Variants in PRKD1 observed in about 807,000 individuals in gnomAD.
PRKD1 encodes the protein serine/threonine-protein kinase D1.
A neutral mutation model predicts 95.9 loss-of-function variants in PRKD1; 63 were observed. The observed-to-expected ratio is 0.66, with a 90% CI of 0.54 to 0.81. The LOEUF (loss-of-function observed/expected upper bound fraction) is 0.81. PRKD1 is among the 30% of genes least tolerant of loss of function. The probability of loss-of-function intolerance (pLI) is 0.00; values close to 1 mark genes in which losing one functional copy is unlikely to be tolerated. For missense variants in PRKD1, 1,048 were observed against 1,165.3 expected (o/e 0.90, Z 1.47); for synonymous variants, 425 against 423.1 (o/e 1.00, Z -0.05).
intron 1 of PRKD1, among the ~76,000 whole-genome samples, chr14:29,850,222 A>C (rs920425734): frequency 6.6e-6 from 1 of 152,166 alleles, no homozygotes; most frequent in African/African-American, 2.4e-5. Flanking sequence ...AAGAGAAAGA[A>C]ATAAAAGGCA....
intron 1 of PRKD1, among the ~76,000 whole-genome samples, chr14:29,776,772 C>T (rs183116142): frequency 1.3e-4 from 20 of 152,276 alleles, no homozygotes; most frequent in Non-Finnish European, 2.1e-4. Flanking sequence ...CACCAACATT[C>T]AAATTCAGGA....
intron 1 of PRKD1, among the ~76,000 whole-genome samples, chr14:29,733,108 AT>A (rs35777923): frequency 0.055 from 7,631 of 138,802 alleles, 473 homozygotes; most frequent in African/African-American, 0.16. Context: ...TTATTTATTT[AT>A]TTTTTTTTTT....
chr14:29,681,260 TG>T (rs1883524697), intron 2 of PRKD1, among the ~76,000 whole-genome samples: 2 of 152,218 alleles, frequency 1.3e-5, no homozygotes, highest in South Asian at 4.1e-4. Flanking sequence ...ATTGGTATTC[TG>T]GGACAAATTT....
rs532987654 is a variant in PRKD1 at position 29,736,714 on chromosome 14, C to T, written c.265-11040G>A. On this transcript the variant is annotated intron_variant, in intron 1 of 17. Transcript: ENST00000331968. ...CAACAATCCAGGCACTGGTCCTAAG[C>T]TCTTTAATTCTACCCTATGCTGGAA... 3.9e-5 allele frequency among the ~76,000 whole-genome samples: 6 copies of T among 152,330 alleles called. No homozygotes were observed. In the South Asian group the frequency reaches 1.0e-3, roughly 26 times the overall value.
At chr14:29,758,863 C>G (rs1192194530) in intron 1 of PRKD1, among the ~76,000 whole-genome samples, 1 of 152,182 alleles carries the variant, frequency 6.6e-6, no homozygotes, top group Non-Finnish European at 1.5e-5. Flanking sequence ...TATCACACTT[C>G]AAGAATTCTC....
intron 13 of PRKD1, among the ~76,000 whole-genome samples, chr14:29,613,017 G>C (rs1174754931): frequency 6.6e-6 from 1 of 152,048 alleles, no homozygotes; most frequent in Non-Finnish European, 1.5e-5. Flanking sequence ...AGAATGGCGT[G>C]AACTCGGGAG....
intron 1 of PRKD1, among the ~76,000 whole-genome samples, chr14:29,764,991 G>T (rs1010308451): frequency 2.0e-5 from 3 of 152,140 alleles, no homozygotes. Context: ...TCAGGTACAA[G>T]TGAAATAGAA....
At chr14:29,706,907 G>C (rs572539395) in intron 2 of PRKD1, among the ~76,000 whole-genome samples, 1 of 152,246 alleles carries the variant, frequency 6.6e-6, no homozygotes, top group Non-Finnish European at 1.5e-5. Context: ...AGTCATGAAA[G>C]ATGAATTGAA....
chr14:29,882,858 A>G (rs1255727759), intron 1 of PRKD1, among the ~76,000 whole-genome samples: 1 of 128,690 alleles, frequency 7.8e-6, no homozygotes, highest in Non-Finnish European at 1.7e-5. Context: ...ACAATATTCC[A>G]CTGTGTGTGT....
In PRKD1 at chr14:29,927,416, G is replaced by GCCCGGA. The variant is rs45471692; in HGVS notation, c.91_96dup (p.Ser31_Gly32dup). ...GGAGCCAAGAACGGCGCGGGCCCGG[G>GCCCGGA]CCCGGACCCTGGGACCAGTGCGGCG... On this transcript the variant is annotated inframe_insertion, in exon 1 of 18. Transcript: ENST00000331968. The GCCCGGA allele has an allele frequency of 0.057, 84,284 of 1,478,386 alleles. 2,863 individuals carry two copies. The highest frequency in any genetic ancestry group is 0.13 in the East Asian group (4,294 of 33,856). The allele number at this position is 1,478,386 out of a possible 1,614,324, so 91.6% of individuals were successfully genotyped here. A position where few individuals can be genotyped will look rare whatever the true frequency, so the allele number is the denominator to read the frequency against.
Position 29,577,404 on chromosome 14 carries a change from C to G in PRKD1, c.2573G>C (p.Arg858Pro). The G allele has an allele frequency of 1.2e-6, 2 of 1,613,762 alleles. No homozygotes were observed. Among genetic ancestry groups the G allele is most frequent in the Non-Finnish European group, 1.7e-6 (2 of 1,179,798 alleles). The part of the protein sequence containing the change: ...LRELECKIGE[R>P]YITHESDDLR... ...GTCATCACTTTCATGGGTGATGTAG[C>G]GCTCCCCGATTTTGCATTCCAGCTC... Residue 858 changes from arginine (R) to proline (P), a missense_variant, in exon 18 of 18, where the codon CGC becomes CCC. Around this residue, in one of 3 missense-constraint regions of PRKD1, gnomAD observed 739 missense variants for 861.9 expected, o/e 0.86. Transcript: ENST00000331968.
At chr14:29,653,205 G>A (rs17115147) in intron 4 of PRKD1, among the ~76,000 whole-genome samples, 5,512 of 152,092 alleles carry the variant, frequency 0.036, 287 homozygotes, top group African/African-American at 0.12. Context: ...AATATTGTCC[G>A]GATTGCATAA....
chr14:29,632,005 T>G (rs1056874904), intron 9 of PRKD1, among the ~76,000 whole-genome samples: 34 of 151,808 alleles, frequency 2.2e-4, no homozygotes, highest in African/African-American at 8.0e-4. Context: ...TTCACCATGT[T>G]GGCCAGGCTG....
intron 1 of PRKD1, among the ~76,000 whole-genome samples, chr14:29,912,227 C>T (rs754247503): frequency 6.6e-6 from 1 of 152,000 alleles, no homozygotes; most frequent in Non-Finnish European, 1.5e-5. Flanking sequence ...AGGTAACATT[C>T]AAAGGTTCCA....
chr14:29,822,630 G>A (rs2139272795), intron 1 of PRKD1, among the ~76,000 whole-genome samples: 1 of 152,218 alleles, frequency 6.6e-6, no homozygotes, highest in African/African-American at 2.4e-5. Flanking sequence ...GTGTTTGCAG[G>A]CAGCTAATGT....
chr14:29,694,814 C>A (rs78951317), intron 2 of PRKD1, among the ~76,000 whole-genome samples: 287 of 152,210 alleles, frequency 1.9e-3, no homozygotes, highest in African/African-American at 6.5e-3. Flanking sequence ...ATGTTTGAGG[C>A]AAGGGCATTC....
intron 1 of PRKD1, among the ~76,000 whole-genome samples, chr14:29,758,833 C>A (rs1395182322): frequency 1.3e-5 from 2 of 152,302 alleles, no homozygotes; most frequent in Middle Eastern, 3.4e-3. Context: ...GGAGAACATG[C>A]AAATTTTGGA....
rs1336430369 is a variant in PRKD1, at chr14:29,619,185, TGA to T, written c.1905+4965_1905+4966del. ...CACGGTACTTTTTTTTTTTAACAGATGAGAGTTAGTGAGTTGCAAGCCAACCC... is the reference window on the plus strand; with the variant it reads ...CACGGTACTTTTTTTTTTTAACAGATGAGTTAGTGAGTTGCAAGCCAACCC... On this transcript the variant is annotated intron_variant, in intron 13 of 17. Transcript: ENST00000331968. 3.3e-5 allele frequency among the ~76,000 whole-genome samples: 5 copies of T among 152,104 alleles called. No homozygotes were observed. In the South Asian group the frequency reaches 1.0e-3, roughly 32 times the overall value.
intron 1 of PRKD1, among the ~76,000 whole-genome samples, chr14:29,850,726 A>G (rs944458103): frequency 2.0e-5 from 3 of 152,056 alleles, no homozygotes; most frequent in African/African-American, 7.2e-5. Flanking sequence ...AAAAAAACCT[A>G]TTCTAAAATG....
Sources: allele counts gnomAD v4.1 joint callset (sites outside exome capture counted in the v4.1 genomes callset), GRCh38; gene constraint gnomAD v4.1.1; regional missense constraint gnomAD v4.1.1; transcripts MANE v1.5; gene names NCBI Gene and HGNC (gene_info 2026-07-23, HGNC 2026-07-21).